PCDHGA1: variants seen among roughly 807,000 people sequenced by gnomAD.
PCDHGA1 encodes protocadherin gamma subfamily A, 1.
PCDHGA1 carries 32 observed loss-of-function variants against 58.0 expected under a neutral mutation model. The observed-to-expected ratio is 0.55, with a 90% CI of 0.42 to 0.74. The LOEUF is 0.74. Among genes scored for constraint, PCDHGA1 ranks in the 30% least tolerant of loss-of-function variants. PCDHGA1 has a pLI of 0.00. For missense variants in PCDHGA1, 1,205 were observed against 1,182.3 expected (o/e 1.02, Z -0.28); for synonymous variants, 498 against 501.1 (o/e 0.99, Z 0.08).
chr5:141,346,371 A>G (rs772289069), intron 1 of PCDHGA1: 6 of 1,613,258 alleles, frequency 3.7e-6, no homozygotes, highest in East Asian at 2.2e-5. Context: ...GGACACGCTC[A>G]TCAGCCAGGA....
intron 1 of PCDHGA1, among the ~76,000 whole-genome samples, chr5:141,354,577 A>G (rs1371174028): frequency 2.0e-5 from 3 of 152,204 alleles, no homozygotes; most frequent in African/African-American, 7.2e-5. Context: ...TACTGCATAA[A>G]TTGGGACTAA....
chr5:141,417,963 A>T (rs1260025037), intron 1 of PCDHGA1: 1 of 1,613,258 alleles, frequency 6.2e-7, no homozygotes, highest in Non-Finnish European at 8.5e-7. Flanking sequence ...CCGATCCGCT[A>T]CTCGATTCCG....
chr5:141,368,929 T>C (rs1183733565), intron 1 of PCDHGA1, among the ~76,000 whole-genome samples: 1 of 152,228 alleles, frequency 6.6e-6, no homozygotes, highest in Non-Finnish European at 1.5e-5. Context: ...AGTGTCTGTC[T>C]AGAATTCTGG....
chr5:141,481,646 C>T (rs1425216422), intron 1 of PCDHGA1, among the ~76,000 whole-genome samples: 1 of 151,950 alleles, frequency 6.6e-6, no homozygotes, highest in African/African-American at 2.4e-5. Flanking sequence ...GGTGAAACTT[C>T]ATCTCTACTA....
At chr5:141,418,201 A>G (rs2096236241) in intron 1 of PCDHGA1, 1 of 1,614,020 alleles carries the variant, frequency 6.2e-7, no homozygotes, top group Non-Finnish European at 8.5e-7. Flanking sequence ...AAAATCCTTT[A>G]AATATTTTTC....
chr5:141,364,815 T>C, intron 1 of PCDHGA1: 1 of 1,613,998 alleles, frequency 6.2e-7, no homozygotes, highest in South Asian at 1.1e-5. Context: ...GATGCGGATG[T>C]GGGTGTGAAC....
Position 141,494,830 on chromosome 5 carries a change from G to C in PCDHGA1, c.2445G>C (p.Trp815Cys), listed in dbSNP as rs2099757104. Residue 815 changes from tryptophan (W) to cysteine (C), a missense_variant, in exon 2 of 4, where the codon TGG (tryptophan) becomes TGC (cysteine). Coordinates refer to ENST00000517417, the MANE Select transcript of PCDHGA1 (RefSeq NM_018912.3). ...AGCAAGCCCCGCCCAACACGGACTG[G>C]CGTTTCTCTCAGGCCCAGAGACCCG... The part of the protein sequence containing the change: ...FSQQAPPNTD[W>C]RFSQAQRPGT... 6.2e-7 allele frequency: 1 copy of C among 1,614,098 alleles called. No homozygotes were observed. The highest frequency in any genetic ancestry group is 2.2e-5 in the East Asian group (1 of 44,862).
chr5:141,339,183 G>A (rs61749035), intron 1 of PCDHGA1: 1 of 1,613,998 alleles, frequency 6.2e-7, no homozygotes. Context: ...TCCAGAGGTA[G>A]GTCCCAGCTC....
intron 1 of PCDHGA1, chr5:141,383,858 A>C (rs1368399969): frequency 1.2e-6 from 2 of 1,613,996 alleles, no homozygotes. Flanking sequence ...ATGGAGGTTC[A>C]GGCTCAAGAT....
intron 1 of PCDHGA1, chr5:141,410,797 C>T: frequency 3.0e-6 from 2 of 675,992 alleles, no homozygotes; most frequent in South Asian, 3.2e-5. Flanking sequence ...TCATAAGTTG[C>T]TCTATCTTTT....
At chr5:141,355,575 T>C in intron 1 of PCDHGA1, 1 of 1,614,004 alleles carries the variant, frequency 6.2e-7, no homozygotes, top group East Asian at 2.2e-5. Flanking sequence ...AAATAATCGA[T>C]GTTAATGATA....
intron 1 of PCDHGA1, among the ~76,000 whole-genome samples, chr5:141,430,383 G>GA (rs139772145): frequency 0.061 from 8,436 of 138,452 alleles, 243 homozygotes; most frequent in South Asian, 0.089. Context: ...AGCTCATTGG[G>GA]AAAAAAAAAA....
intron 1 of PCDHGA1, chr5:141,478,768 A>G: frequency 6.7e-7 from 1 of 1,501,046 alleles, no homozygotes; most frequent in African/African-American, 1.4e-5. Context: ...TACTTGACTC[A>G]TCTGTGGACC....
chr5:141,482,546 A>G (rs1489817593), intron 1 of PCDHGA1, among the ~76,000 whole-genome samples: 1 of 151,868 alleles, frequency 6.6e-6, no homozygotes, highest in Non-Finnish European at 1.5e-5. Context: ...AAAAAAAAAA[A>G]AAAGATAATG....
chr5:141,457,937 G>A (rs916509260), intron 1 of PCDHGA1, among the ~76,000 whole-genome samples: 1 of 152,166 alleles, frequency 6.6e-6, no homozygotes, highest in African/African-American at 2.4e-5. Flanking sequence ...GGCTTTTATT[G>A]GCTCTGCATG....
At chr5:141,479,186 T>A (rs956575218) in intron 1 of PCDHGA1, 1 of 152,590 alleles carries the variant, frequency 6.6e-6, no homozygotes, top group Non-Finnish European at 1.5e-5. Flanking sequence ...GCTAGAAAAT[T>A]CAGAAAATAC....
intron 1 of PCDHGA1, chr5:141,377,100 C>G (rs941685328): frequency 6.6e-6 from 1 of 152,186 alleles, no homozygotes; most frequent in East Asian, 1.9e-4. Context: ...TCTTTTATAT[C>G]AAAAGAATGT....
intron 1 of PCDHGA1, chr5:141,344,208 C>T (rs1423038404): frequency 6.2e-7 from 1 of 1,613,934 alleles, no homozygotes; most frequent in African/African-American, 1.3e-5. Context: ...GCCCCGGGAG[C>T]TGGCGGAGCG....
intron 1 of PCDHGA1, among the ~76,000 whole-genome samples, chr5:141,435,590 A>G (rs1005651004): frequency 3.3e-5 from 5 of 152,210 alleles, no homozygotes; most frequent in African/African-American, 7.2e-5. Context: ...TTGCAGTAAT[A>G]TCGCCTGCTT....
Sources: gnomAD v4.1 joint callset for allele counts (sites outside exome capture counted in the v4.1 genomes callset) on GRCh38, gnomAD v4.1.1 for gene constraint, MANE v1.5 for transcripts, NCBI Gene and HGNC (gene_info 2026-07-23, HGNC 2026-07-21) for gene names.